SLC39A11: variants seen among roughly 807,000 people sequenced by gnomAD.
The protein encoded by SLC39A11 is solute carrier family 39 member 11.
SLC39A11 carries 33 observed loss-of-function variants against 36.1 expected under a neutral mutation model. The observed-to-expected ratio is 0.91, with a 90% CI of 0.69 to 1.22. The LOEUF (loss-of-function observed/expected upper bound fraction) is 1.22. SLC39A11 is among the 50% of genes most tolerant of loss of function. The pLI is 0.00. For synonymous variants in SLC39A11, 166 were observed against 170.3 expected (o/e 0.97, Z 0.20); for missense variants, 432 against 430.3 (o/e 1.00, Z -0.03).
Position 72,849,727 on chromosome 17 carries a change from C to T in SLC39A11, c.508G>A (p.Val170Met), listed in dbSNP as rs1042373569. 2 of 1,611,352 alleles carry T rather than the reference C, an allele frequency of 1.2e-6. No individual in the cohort carries two copies. The highest frequency in any genetic ancestry group is 1.7e-6 in the Non-Finnish European group (2 of 1,179,144). ...TGTGCCAGATTCCCTCGAGAAGGCA[C>T]AGGGACAGCAGGACCCTCTGGAAGG... ...TGLPEGPAVP[V>M]PSRGNLAQPG... Residue 170 changes from valine to methionine, a missense_variant, in exon 6 of 10, where the codon GTG (valine) becomes ATG (methionine). Val to Met is a conservative substitution (Grantham distance 21). Transcript: ENST00000255559.
At chr17:73,031,848 G>A (rs2058748486) in intron 3 of SLC39A11, 134 bp from the exon 4 acceptor site, 2 of 921,676 alleles carry the variant, frequency 2.2e-6, no homozygotes, top group Admixed American at 2.9e-5. Flanking sequence ...CCCAGGTTGG[G>A]AGGTACTATC....
chr17:72,996,310 T>G (rs912914417), intron 4 of SLC39A11, among the ~76,000 whole-genome samples: 30 of 152,230 alleles, frequency 2.0e-4, no homozygotes, highest in African/African-American at 7.0e-4. Flanking sequence ...GTCCACGTTC[T>G]TCCCATGGCC....
At chr17:72,893,153 T>C (rs901000937) in intron 5 of SLC39A11, among the ~76,000 whole-genome samples, 16 of 152,086 alleles carry the variant, frequency 1.1e-4, no homozygotes, top group African/African-American at 1.9e-4. Flanking sequence ...TGAAGCCCAA[T>C]ACTATTGAAT....
At chr17:73,080,566 T>C (rs567829652) in intron 3 of SLC39A11, among the ~76,000 whole-genome samples, 34 of 152,190 alleles carry the variant, frequency 2.2e-4, no homozygotes, top group African/African-American at 8.0e-4. Context: ...CTTCTAGACA[T>C]TGACTTAGGC....
rs535878476 is a variant in SLC39A11, at chr17:73,034,251, G to C, written c.148-2537C>G. On this transcript the variant is annotated intron_variant, in intron 3 of 9. Coordinates refer to ENST00000255559, the MANE Select transcript of SLC39A11 (RefSeq NM_139177.4). ...GTTCTTCTTTGCATTTTTTGAAACA[G>C]AGTCTCTGTCACCCAGGCTGGAGTG... 1.7e-4 allele frequency among the ~76,000 whole-genome samples: 26 copies of C among 152,284 alleles called. 1 individual carries two copies. In the South Asian group the frequency reaches 3.5e-3, roughly 21 times the overall value.
chr17:72,798,923 AGAG>A (rs2076990216), intron 6 of SLC39A11, among the ~76,000 whole-genome samples: 1 of 152,090 alleles, frequency 6.6e-6, no homozygotes, highest in South Asian at 2.1e-4. Context: ...GCCCAGATGT[AGAG>A]AATTGAGAAG....
intron 6 of SLC39A11, among the ~76,000 whole-genome samples, chr17:72,749,917 C>T (rs1210259418): frequency 6.6e-6 from 1 of 152,166 alleles, no homozygotes; most frequent in African/African-American, 2.4e-5. Context: ...AGGAATTCAG[C>T]CACACATCCC....
intron 4 of SLC39A11, among the ~76,000 whole-genome samples, chr17:73,012,532 T>C (rs990706051): frequency 2.6e-5 from 4 of 151,970 alleles, no homozygotes; most frequent in Non-Finnish European, 2.9e-5. Context: ...TTTCCCAGTT[T>C]TTTTTTTTCT....
Position 73,031,610 on chromosome 17 carries a change from G to T in SLC39A11, c.252C>A (p.Gly84=). Residue 84 remains glycine, a synonymous_variant, in exon 4 of 10, where the codon GGC becomes GGA. Coordinates refer to ENST00000255559, the MANE Select transcript of SLC39A11 (RefSeq NM_139177.4). ...AGACAAAAGCCGCTCCAAGGGTGAA[G>T]CCAACAGCCACAGGGAAGAAGGCAA... ...GAFAFFPVAV[G]FTLGAAFVYL... 2 of 1,614,186 alleles carry T rather than the reference G, an allele frequency of 1.2e-6. No homozygotes were observed. Among genetic ancestry groups the T allele is most frequent in the Non-Finnish European group, 1.7e-6 (2 of 1,180,034 alleles).
rs148088300 is a variant in SLC39A11, at chr17:73,043,412, G to A, written c.148-11698C>T. Among the ~76,000 whole-genome samples, 842 of 152,298 alleles carry A rather than the reference G, an allele frequency of 5.5e-3. 6 individuals carry two copies. The highest frequency in any genetic ancestry group is 8.3e-3 in the Non-Finnish European group (566 of 68,028). ...GGTTGTACTATAAAATCAACCTGGA[G>A]TTTTCAAGCTACAGATGTCAGCTCC... On this transcript the variant is annotated intron_variant, in intron 3 of 9. Transcript: ENST00000255559.
chr17:72,653,404 C>CT (rs141317563), intron 7 of SLC39A11, among the ~76,000 whole-genome samples: 24,283 of 148,270 alleles, frequency 0.16, 2,121 homozygotes, highest in Admixed American at 0.22. Context: ...CCACTGCACC[C>CT]TTTTTTTTTG....
chr17:72,970,609 A>G (rs1401190207), intron 4 of SLC39A11, among the ~76,000 whole-genome samples: 1 of 152,210 alleles, frequency 6.6e-6, no homozygotes, highest in South Asian at 2.1e-4. Flanking sequence ...GGGCAAACTC[A>G]CTGATGAGAA....
Position 72,756,053 on chromosome 17 carries a change from T to C in SLC39A11, c.602-19334A>G, listed in dbSNP as rs112023484. ...TCTCGAGAAAACAAAAACATAACAG[T>C]GTTGGCAAGGATGTGGAGACACTGG... On this transcript the variant is annotated intron_variant, in intron 6 of 9. Transcript: ENST00000255559. Among the ~76,000 whole-genome samples, 1,037 of 152,204 alleles carry C rather than the reference T, an allele frequency of 6.8e-3. 11 individuals carry two copies. Among genetic ancestry groups the C allele is most frequent in the African/African-American group, 0.023 (973 of 41,510 alleles).
chr17:72,741,384 G>A (rs1286217820), intron 6 of SLC39A11, among the ~76,000 whole-genome samples: 1 of 152,102 alleles, frequency 6.6e-6, no homozygotes, highest in Non-Finnish European at 1.5e-5. Flanking sequence ...ACTGTGAGTG[G>A]CACCATATAT....
At chr17:72,810,402 G>C (rs2077396930) in intron 6 of SLC39A11, among the ~76,000 whole-genome samples, 1 of 152,148 alleles carries the variant, frequency 6.6e-6, no homozygotes. Flanking sequence ...ATAGAATACT[G>C]CATAGTAAAA....
intron 4 of SLC39A11, among the ~76,000 whole-genome samples, chr17:72,998,762 T>C (rs1227239178): frequency 6.6e-6 from 1 of 152,116 alleles, no homozygotes; most frequent in Non-Finnish European, 1.5e-5. Flanking sequence ...ATCCAATCAC[T>C]GAATCACAGA....
At chr17:72,961,041 T>G (rs1048770285) in intron 4 of SLC39A11, among the ~76,000 whole-genome samples, 1 of 152,142 alleles carries the variant, frequency 6.6e-6, no homozygotes, top group Admixed American at 6.6e-5. Context: ...AGAGAGTGTG[T>G]GCACAAAAGA....
intron 3 of SLC39A11, among the ~76,000 whole-genome samples, chr17:73,084,366 A>C (rs2060645588): frequency 6.9e-6 from 1 of 145,828 alleles, no homozygotes; most frequent in Admixed American, 7.0e-5. Flanking sequence ...GAGTCCAGAG[A>C]AGTTGAAGCT....
At chr17:72,799,870 T>C (rs920964577) in intron 6 of SLC39A11, among the ~76,000 whole-genome samples, 5 of 151,978 alleles carry the variant, frequency 3.3e-5, no homozygotes, top group Non-Finnish European at 7.4e-5. Context: ...TTTTTGTCCT[T>C]TGAAGCATGT....
Sources: allele counts gnomAD v4.1 joint callset (sites outside exome capture counted in the v4.1 genomes callset), GRCh38; gene constraint gnomAD v4.1.1; transcripts MANE v1.5; gene names NCBI Gene and HGNC (gene_info 2026-07-23, HGNC 2026-07-21).